SGCZ: variants seen among roughly 807,000 people sequenced by gnomAD.
The protein encoded by SGCZ is sarcoglycan zeta, also known as zeta-sarcoglycan.
SGCZ carries 40 observed loss-of-function variants against 41.3 expected under a neutral mutation model. That is an observed-to-expected ratio of 0.97 (90% CI 0.75 to 1.26). The LOEUF (loss-of-function observed/expected upper bound fraction) is 1.26, where lower values mean the gene tolerates loss of function less well. Among genes scored for constraint, SGCZ ranks in the 50% most tolerant of loss-of-function variants. The probability of loss-of-function intolerance (pLI) is 0.00; values close to 1 mark genes in which losing one functional copy is unlikely to be tolerated. For missense variants in SGCZ, 552 were observed against 369.8 expected (o/e 1.49, Z -4.04); for synonymous variants, 206 against 137.5 (o/e 1.50, Z -3.49).
intron 2 of SGCZ, among the ~76,000 whole-genome samples, chr8:14,531,958 A>G (rs1353514658): frequency 6.6e-6 from 1 of 152,154 alleles, no homozygotes; most frequent in Non-Finnish European, 1.5e-5. Context: ...TTAAAATTCT[A>G]CATATAAAAC....
At chr8:14,408,634 C>T (rs1799274353) in intron 2 of SGCZ, among the ~76,000 whole-genome samples, 1 of 152,140 alleles carries the variant, frequency 6.6e-6, no homozygotes, top group African/African-American at 2.4e-5. Context: ...TCTGCAGCAA[C>T]ATTTCATTGC....
intron 2 of SGCZ, among the ~76,000 whole-genome samples, chr8:14,427,411 C>G (rs1415133555): frequency 6.6e-6 from 1 of 152,010 alleles, no homozygotes; most frequent in South Asian, 2.1e-4. Flanking sequence ...TTGTTTGGAC[C>G]ATGTAAATTC....
chr8:14,379,424 G>A (rs1041292485), intron 2 of SGCZ, among the ~76,000 whole-genome samples: 6 of 152,040 alleles, frequency 3.9e-5, no homozygotes, highest in African/African-American at 1.4e-4. Flanking sequence ...TAGGAAATTT[G>A]CAAAACCTAT....
chr8:14,878,029 C>T (rs1804430070), intron 1 of SGCZ, among the ~76,000 whole-genome samples: 1 of 151,886 alleles, frequency 6.6e-6, no homozygotes, highest in African/African-American at 2.4e-5. Flanking sequence ...TGCCTTTCTT[C>T]CCAAGTAAAT....
intron 1 of SGCZ, among the ~76,000 whole-genome samples, chr8:14,814,273 T>G (rs1801828087): frequency 6.6e-6 from 1 of 152,150 alleles, no homozygotes; most frequent in African/African-American, 2.4e-5. Flanking sequence ...CTCTACCTCC[T>G]TAAATGGTCA....
intron 4 of SGCZ, among the ~76,000 whole-genome samples, chr8:14,236,832 A>G (rs1418241527): frequency 2.0e-5 from 3 of 151,658 alleles, no homozygotes; most frequent in Admixed American, 2.0e-4. Context: ...TCTTATAAAA[A>G]TTGAGTCAAG....
chr8:14,113,552 T>A (rs1802436918), intron 5 of SGCZ, among the ~76,000 whole-genome samples: 1 of 151,152 alleles, frequency 6.6e-6, no homozygotes, highest in Non-Finnish European at 1.5e-5. Flanking sequence ...TCTCCTTTTG[T>A]TTTTTAATTC....
intron 1 of SGCZ, among the ~76,000 whole-genome samples, chr8:14,620,699 C>T (rs1806256369): frequency 6.6e-6 from 1 of 152,224 alleles, no homozygotes. Context: ...TGCTCATCAT[C>T]ACTTGCCATC....
At chr8:14,236,462 A>AGCG (rs1806766161) in intron 4 of SGCZ, among the ~76,000 whole-genome samples, 1 of 151,982 alleles carries the variant, frequency 6.6e-6, no homozygotes, top group Admixed American at 6.6e-5. Flanking sequence ...AAAAAAACCT[A>AGCG]CAAATTAAGT....
intron 1 of SGCZ, among the ~76,000 whole-genome samples, chr8:15,063,243 T>A (rs765848922): frequency 6.6e-6 from 1 of 152,130 alleles, no homozygotes; most frequent in African/African-American, 2.4e-5. Context: ...ATATTAACAA[T>A]AAAAATTGTG....
intron 4 of SGCZ, among the ~76,000 whole-genome samples, chr8:14,200,904 T>C (rs562333511): frequency 6.6e-6 from 1 of 152,216 alleles, no homozygotes; most frequent in African/African-American, 2.4e-5. Context: ...TCTGATAAAC[T>C]TGGCCTCAAA....
At chr8:15,236,678 TA>T (rs767602685) in intron 1 of SGCZ, among the ~76,000 whole-genome samples, 16 of 55,598 alleles carry the variant, frequency 2.9e-4, no homozygotes, top group East Asian at 7.4e-4. Context: ...TAAATATATA[TA>T]TTTTTTTTTC....
At chr8:14,177,099 G>C (rs1293034548) in intron 4 of SGCZ, among the ~76,000 whole-genome samples, 8 of 152,146 alleles carry the variant, frequency 5.3e-5, no homozygotes, top group Admixed American at 5.2e-4. Flanking sequence ...ATCTGTGGGG[G>C]AAATCCTGGA....
intron 2 of SGCZ, among the ~76,000 whole-genome samples, chr8:14,490,890 G>T (rs1801823203): frequency 6.6e-6 from 1 of 152,144 alleles, no homozygotes; most frequent in Admixed American, 6.5e-5. Context: ...ATATATTGCT[G>T]TTTCAGGAGC....
chr8:14,550,585 A>G (rs552859885), intron 2 of SGCZ, among the ~76,000 whole-genome samples: 2 of 151,978 alleles, frequency 1.3e-5, no homozygotes, highest in African/African-American at 2.4e-5. Context: ...GCTGGGAATT[A>G]TGAACCTTGG....
chr8:14,595,418 C>CACAG (rs1805378722), intron 1 of SGCZ, among the ~76,000 whole-genome samples: 2 of 151,624 alleles, frequency 1.3e-5, no homozygotes, highest in Non-Finnish European at 2.9e-5. Flanking sequence ...CACACACACA[C>CACAG]ACACACACAC....
intron 1 of SGCZ, among the ~76,000 whole-genome samples, chr8:14,878,898 G>A (rs1309939124): frequency 2.0e-5 from 3 of 151,990 alleles, no homozygotes; most frequent in Non-Finnish European, 2.9e-5. Context: ...TACTGTGGAA[G>A]GTTCTTACAG....
intron 4 of SGCZ, among the ~76,000 whole-genome samples, chr8:14,217,764 C>T (rs1007281101): frequency 2.7e-5 from 4 of 150,320 alleles, no homozygotes; most frequent in African/African-American, 9.8e-5. Flanking sequence ...AAAGTAGCTG[C>T]GATTACAGGT....
intron 1 of SGCZ, among the ~76,000 whole-genome samples, chr8:14,913,919 C>A (rs1167366374): frequency 6.6e-6 from 1 of 151,760 alleles, no homozygotes; most frequent in Non-Finnish European, 1.5e-5. Context: ...TCAGAGAAAT[C>A]CCTGAAAGAT....
Sources: allele counts gnomAD v4.1 joint callset (sites outside exome capture counted in the v4.1 genomes callset), GRCh38; gene constraint gnomAD v4.1.1; transcripts MANE v1.5; gene names NCBI Gene and HGNC (gene_info 2026-07-23, HGNC 2026-07-21).